The following TBC1D5 variants were observed in gnomAD, a reference collection of about 807,000 sequenced individuals.
TBC1D5 encodes TBC1 domain family member 5.
A neutral mutation model predicts 100.3 loss-of-function variants in TBC1D5; 75 were observed. The observed-to-expected ratio is 0.75, with a 90% CI of 0.62 to 0.91. The LOEUF is 0.91. TBC1D5 is among the 40% of genes least tolerant of loss of function. The probability of loss-of-function intolerance (pLI) is 0.00; values close to 1 mark genes in which losing one functional copy is unlikely to be tolerated. For missense variants in TBC1D5, 910 were observed against 942.4 expected (o/e 0.97, Z 0.45); for synonymous variants, 323 against 325.6 (o/e 0.99, Z 0.09).
chr3:17,532,631 A>G (rs2153387873), intron 2 of TBC1D5, among the ~76,000 whole-genome samples: 1 of 152,342 alleles, frequency 6.6e-6, no homozygotes, highest in East Asian at 1.9e-4. Flanking sequence ...TGTGGCACAT[A>G]TATACCATGG....
In TBC1D5 at chr3:17,324,643, C is replaced by CA. The variant is rs202185640; in HGVS notation, c.996-16510dup. On this transcript the variant is annotated intron_variant, in intron 13 of 21. Coordinates refer to ENST00000253692, the Ensembl canonical transcript of TBC1D5. Reference sequence around the variant, plus strand: ...TCGACAACAGAGTGAGACTCTGTCTCAAAAAAAAATGAAAATGAAAATACA... The same window carrying CA: ...TCGACAACAGAGTGAGACTCTGTCTCAAAAAAAAAATGAAAATGAAAATACA... Among the ~76,000 whole-genome samples the CA allele has an allele frequency of 9.4e-3, 1,388 of 147,962 alleles. 12 individuals are homozygous for CA. Among genetic ancestry groups the CA allele is most frequent in the Non-Finnish European group, 0.015 (987 of 66,930 alleles).
intron 3 of TBC1D5, among the ~76,000 whole-genome samples, chr3:17,494,862 C>T (rs2095685870): frequency 6.6e-6 from 1 of 152,246 alleles, no homozygotes; most frequent in Non-Finnish European, 1.5e-5. Flanking sequence ...CACCAAGAGT[C>T]TGCACAGCTC....
At chr3:17,241,114 G>A (rs1018212512) in intron 16 of TBC1D5, among the ~76,000 whole-genome samples, 10 of 151,954 alleles carry the variant, frequency 6.6e-5, no homozygotes, top group African/African-American at 1.7e-4. Context: ...TGTGTCTTCC[G>A]GATATAAGCA....
At chr3:17,540,885 G>A (rs1407765962) in intron 2 of TBC1D5, among the ~76,000 whole-genome samples, 8 of 115,008 alleles carry the variant, frequency 7.0e-5, no homozygotes, top group African/African-American at 2.5e-4. Context: ...CCAGCCTGGC[G>A]ACAGAGCGAG....
chr3:17,543,851 C>A (rs1027703807), intron 2 of TBC1D5, among the ~76,000 whole-genome samples: 1 of 151,664 alleles, frequency 6.6e-6, no homozygotes, highest in Non-Finnish European at 1.5e-5. Context: ...TTAAATGGGG[C>A]CTGAAAAGTT....
At chr3:17,467,846 G>A (rs914429625) in intron 3 of TBC1D5, among the ~76,000 whole-genome samples, 1 of 152,118 alleles carries the variant, frequency 6.6e-6, no homozygotes, top group Non-Finnish European at 1.5e-5. Context: ...GCAATGAGCC[G>A]AGATCATGAC....
intron 1 of TBC1D5, among the ~76,000 whole-genome samples, chr3:17,653,614 T>C (rs1397462760): frequency 6.6e-6 from 1 of 152,112 alleles, no homozygotes; most frequent in Non-Finnish European, 1.5e-5. Context: ...TAATGTAGAT[T>C]TCTAGATTAG....
At chr3:17,719,855 CAT>C (rs199718133) in intron 1 of TBC1D5, among the ~76,000 whole-genome samples, 1,555 of 152,220 alleles carry the variant, frequency 0.01, 24 homozygotes, top group African/African-American at 0.036. Context: ...AAATAATCTA[CAT>C]GTGTTTTATA....
chr3:17,586,677 T>C (rs1432293333), intron 2 of TBC1D5: 1 of 152,068 alleles, frequency 6.6e-6, no homozygotes, highest in Non-Finnish European at 1.5e-5. Flanking sequence ...CTAAAAACAA[T>C]TTCTATCAAA....
intron 4 of TBC1D5, among the ~76,000 whole-genome samples, chr3:17,416,570 A>G (rs1329173481): frequency 6.6e-6 from 1 of 152,212 alleles, no homozygotes; most frequent in African/African-American, 2.4e-5. Flanking sequence ...AAGTTAAATA[A>G]TACATGTGGT....
intron 4 of TBC1D5, among the ~76,000 whole-genome samples, chr3:17,413,116 TAGTGCCACCTAG>T (rs1166889001): frequency 1.3e-5 from 2 of 152,156 alleles, no homozygotes; most frequent in Non-Finnish European, 2.9e-5. Flanking sequence ...AACAAAGCAT[TAGTGCCACCTAG>T]TGGCAATTAC....
chr3:17,661,789 C>T (rs1431012744), intron 1 of TBC1D5, among the ~76,000 whole-genome samples: 1 of 152,132 alleles, frequency 6.6e-6, no homozygotes, highest in Non-Finnish European at 1.5e-5. Flanking sequence ...TGAGCCATCG[C>T]ACCTGGCCAG....
intron 18 of TBC1D5, among the ~76,000 whole-genome samples, chr3:17,201,250 A>T (rs1411708926): frequency 2.0e-5 from 3 of 152,092 alleles, no homozygotes; most frequent in Non-Finnish European, 4.4e-5. Flanking sequence ...GGAGAGTGAA[A>T]AAAAACACGG....
intron 2 of TBC1D5, among the ~76,000 whole-genome samples, chr3:17,530,201 G>C (rs1465884060): frequency 6.9e-6 from 1 of 144,926 alleles, no homozygotes; most frequent in Non-Finnish European, 1.5e-5. Flanking sequence ...CCAAGATCAT[G>C]CCACTGCATT....
At chr3:17,486,967 C>G (rs945990905) in intron 3 of TBC1D5, among the ~76,000 whole-genome samples, 1 of 152,124 alleles carries the variant, frequency 6.6e-6, no homozygotes, top group Non-Finnish European at 1.5e-5. Flanking sequence ...TATTAGAAAA[C>G]GGCATATCCT....
chr3:17,448,846 A>G (rs1170031597), intron 3 of TBC1D5, among the ~76,000 whole-genome samples: 2 of 152,248 alleles, frequency 1.3e-5, no homozygotes, highest in Admixed American at 1.3e-4. Flanking sequence ...TTAACTAAAT[A>G]TCACCAACTA....
At chr3:17,706,950 AATTAT>A (rs58020070) in intron 1 of TBC1D5, among the ~76,000 whole-genome samples, 7,571 of 151,936 alleles carry the variant, frequency 0.05, 586 homozygotes, top group African/African-American at 0.17. Context: ...TTTGCATTTA[AATTAT>A]CTACAAGGGT....
chr3:17,517,960 T>A (rs1010466872), intron 2 of TBC1D5, among the ~76,000 whole-genome samples: 1 of 152,190 alleles, frequency 6.6e-6, no homozygotes, highest in Non-Finnish European at 1.5e-5. Context: ...TGGGGACATA[T>A]ATCGAAAGCT....
At position 17,259,898 on chromosome 3, in the gene TBC1D5, C is replaced by G. The variant is rs190923859; in HGVS notation, c.1246-1307G>C. Among the ~76,000 whole-genome samples, 1,085 of 152,240 alleles carry G rather than the reference C, an allele frequency of 7.1e-3. 7 individuals carry two copies. Among genetic ancestry groups the G allele is most frequent in the Non-Finnish European group, 0.012 (833 of 68,010 alleles). On this transcript the variant is annotated intron_variant, in intron 15 of 21. Transcript: ENST00000253692. ...AATCATCTGACAAAAATGACAATCC[C>G]TTGATTTAGCTCCAGCTACTACTCC...
Sources: allele counts gnomAD v4.1 joint callset (sites outside exome capture counted in the v4.1 genomes callset), GRCh38; gene constraint gnomAD v4.1.1; transcripts MANE v1.5; gene names NCBI Gene and HGNC (gene_info 2026-07-23, HGNC 2026-07-21).